COG5: variants seen among roughly 807,000 people sequenced by gnomAD.
The protein encoded by COG5 is component of oligomeric golgi complex 5, also known as conserved oligomeric Golgi complex subunit 5.
A neutral mutation model predicts 110.4 loss-of-function variants in COG5; 86 were observed. That is an observed-to-expected ratio of 0.78 (90% CI 0.65 to 0.93). The LOEUF (loss-of-function observed/expected upper bound fraction) is 0.93. COG5 is among the 40% of genes least tolerant of loss of function. The probability of loss-of-function intolerance (pLI) is 0.00; values close to 1 mark genes in which losing one functional copy is unlikely to be tolerated. For synonymous variants in COG5, 360 were observed against 334.6 expected (o/e 1.08, Z -0.83); for missense variants, 1,077 against 987.0 (o/e 1.09, Z -1.22).
intron 7 of COG5, among the ~76,000 whole-genome samples, chr7:107,403,726 T>C (rs1791608149): frequency 1.3e-5 from 2 of 152,068 alleles, no homozygotes; most frequent in Non-Finnish European, 2.9e-5. Flanking sequence ...ACTAATCCCA[T>C]TCAAGAGAGT....
intron 18 of COG5, among the ~76,000 whole-genome samples, chr7:107,232,372 G>C (rs1377610432): frequency 3.3e-5 from 5 of 152,116 alleles, no homozygotes; most frequent in Admixed American, 1.3e-4. Flanking sequence ...GATTATCACT[G>C]TATCTTTGAT....
chr7:107,293,233 C>G (rs932984128), intron 12 of COG5, among the ~76,000 whole-genome samples: 1 of 152,106 alleles, frequency 6.6e-6, no homozygotes, highest in African/African-American at 2.4e-5. Flanking sequence ...CCATTCATTG[C>G]GTGGGAATTG....
At chr7:107,232,343 G>A (rs1318170082) in intron 18 of COG5, among the ~76,000 whole-genome samples, 1 of 152,132 alleles carries the variant, frequency 6.6e-6, no homozygotes, top group Admixed American at 6.5e-5. Flanking sequence ...ACTTTACACT[G>A]AGCACAAAGG....
intron 6 of COG5, among the ~76,000 whole-genome samples, chr7:107,443,146 A>G (rs1298719733): frequency 6.6e-6 from 1 of 152,202 alleles, no homozygotes; most frequent in Non-Finnish European, 1.5e-5. Flanking sequence ...AAGGTGGTAT[A>G]TCCATACATG....
At chr7:107,345,040 T>C (rs193276861) in intron 10 of COG5, among the ~76,000 whole-genome samples, 13 of 152,304 alleles carry the variant, frequency 8.5e-5, no homozygotes, top group Non-Finnish European at 1.5e-4. Context: ...ACTTGAACAC[T>C]TAGAGGTCAC....
chr7:107,472,486 TAATC>T, intron 6 of COG5: 1 of 152,122 alleles, frequency 6.6e-6, no homozygotes, highest in African/African-American at 2.4e-5. Context: ...GTATTTTTCT[TAATC>T]ATCATTTAAC....
intron 5 of COG5, among the ~76,000 whole-genome samples, chr7:107,542,949 G>GAAAAAAAAAAAA: frequency 6.8e-6 from 1 of 147,640 alleles, no homozygotes; most frequent in Non-Finnish European, 1.5e-5. Context: ...TCCAGCCTAG[G>GAAAAAAAAAAAA]CAACAGAGCA....
intron 6 of COG5, among the ~76,000 whole-genome samples, chr7:107,442,933 T>C (rs1794809658): frequency 6.6e-6 from 1 of 152,198 alleles, no homozygotes; most frequent in Non-Finnish European, 1.5e-5. Flanking sequence ...CTTTCCAAGC[T>C]TGAGAGGAGT....
Position 107,412,649 on chromosome 7 carries a change from C to A in COG5, c.539-17G>T. 2 of 1,379,948 alleles carry A rather than the reference C, an allele frequency of 1.4e-6. No homozygotes were observed. The allele number at this position is 1,379,948 out of a possible 1,614,324, so 85.5% of individuals were successfully genotyped here. On this transcript the variant is annotated splice_polypyrimidine_tract_variant and intron_variant, in intron 6 of 21. Transcript: ENST00000297135. ...AAAGATAATCTGTTTAAAACAAAAA[C>A]ATACACATTCAAATATTTCAATACT... is the stretch of plus-strand genomic sequence containing the variant.
chr7:107,405,794 T>C (rs114647349), intron 7 of COG5, among the ~76,000 whole-genome samples: 2,379 of 152,250 alleles, frequency 0.016, 59 homozygotes, highest in African/African-American at 0.055. Flanking sequence ...GAGGTGACTA[T>C]ATCATGAGGG....
chr7:107,445,477 C>A lies in COG5; in HGVS notation c.539-32845G>T, dbSNP rs1379158269. ...GAGCATACACAAACTGAAAGCAATT[C>A]TTCAACACATAAGAGACTACTATTT... is the stretch of plus-strand genomic sequence containing the variant. On this transcript the variant is annotated intron_variant, in intron 6 of 21. Transcript: ENST00000297135. Among the ~76,000 whole-genome samples, 3 of 152,172 alleles carry A rather than the reference C, an allele frequency of 2.0e-5. No individual in the cohort carries two copies. In the East Asian group the frequency reaches 5.8e-4, roughly 29 times the overall value.
At chr7:107,340,481 C>T (rs1285238873) in intron 10 of COG5, among the ~76,000 whole-genome samples, 4 of 151,766 alleles carry the variant, frequency 2.6e-5, no homozygotes, top group African/African-American at 4.8e-5. Context: ...AAACTATTCT[C>T]CCCCAATCCC....
At chr7:107,548,086 T>C in intron 5 of COG5, 25 bp downstream of exon 5, 2 of 1,584,206 alleles carry the variant, frequency 1.3e-6, no homozygotes, top group South Asian at 1.1e-5. Flanking sequence ...TAATAAAGTA[T>C]AAAGAAATAA....
chr7:107,475,392 TTCAAA>T (rs748502886), intron 6 of COG5: 39 of 994,682 alleles, frequency 3.9e-5, no homozygotes, highest in Non-Finnish European at 5.7e-5. Flanking sequence ...CAAATCCACA[TTCAAA>T]TGAGTTTTAA....
chr7:107,282,892 T>C (rs891812323), intron 13 of COG5, among the ~76,000 whole-genome samples: 6 of 152,194 alleles, frequency 3.9e-5, no homozygotes, highest in African/African-American at 1.4e-4. Flanking sequence ...GACCTCAGTC[T>C]CATACTATTT....
At chr7:107,501,231 A>T (rs1015670242) in intron 6 of COG5, among the ~76,000 whole-genome samples, 1 of 152,066 alleles carries the variant, frequency 6.6e-6, no homozygotes, top group African/African-American at 2.4e-5. Context: ...AATTAATATT[A>T]TTAGTAATAT....
At chr7:107,458,238 A>G (rs1795783327) in intron 6 of COG5, among the ~76,000 whole-genome samples, 1 of 152,234 alleles carries the variant, frequency 6.6e-6, no homozygotes, top group Non-Finnish European at 1.5e-5. Context: ...AAGCTGTCAC[A>G]GTAAGTTCTT....
At chr7:107,261,927 G>A (rs1157367597) in intron 14 of COG5, among the ~76,000 whole-genome samples, 1 of 146,414 alleles carries the variant, frequency 6.8e-6, no homozygotes, top group East Asian at 2.0e-4. Context: ...TAGGCTCTCT[G>A]TCACCCAAAC....
At chr7:107,227,423 A>G (rs1223142876) in intron 19 of COG5, among the ~76,000 whole-genome samples, 1 of 152,168 alleles carries the variant, frequency 6.6e-6, no homozygotes, top group Non-Finnish European at 1.5e-5. Flanking sequence ...AAAAAAGTAG[A>G]ACTATTAAAA....
Sources: allele counts gnomAD v4.1 joint callset (sites outside exome capture counted in the v4.1 genomes callset), GRCh38; gene constraint gnomAD v4.1.1; transcripts MANE v1.5; gene names NCBI Gene and HGNC (gene_info 2026-07-23, HGNC 2026-07-21).